The following RPGR variants were observed in gnomAD, a reference collection of about 807,000 sequenced individuals.
RPGR encodes the protein retinitis pigmentosa GTPase regulator.
In RPGR, 10 loss-of-function variants were observed where a neutral mutation model predicts 56.3. The observed-to-expected ratio is 0.18, with a 90% CI of 0.11 to 0.30. The LOEUF is 0.30. RPGR is among the 10% of genes least tolerant of loss of function. The pLI, the probability that RPGR is intolerant of heterozygous loss-of-function variation, is 1.00. For missense variants in RPGR, 538 were observed against 590.9 expected (o/e 0.91, Z 0.93); for synonymous variants, 197 against 212.9 (o/e 0.93, Z 0.65).
At chrX:38,291,947 C>T (rs60410666) in intron 11 of RPGR, among the ~76,000 whole-genome samples, 13,431 of 111,307 alleles carry the variant, frequency 0.12, 926 homozygotes, top group East Asian at 0.58. Context: ...TACACGTATG[C>T]GCACTTGTGC....
intron 17 of RPGR, chrX:38,274,978 A>G (rs2066907395): frequency 1.7e-6 from 1 of 596,069 alleles, no homozygotes; most frequent in Non-Finnish European, 2.7e-6. Flanking sequence ...AAATTATAGC[A>G]TATATGTAAA....
chrX:38,273,525 G>T, intron 17 of RPGR: 1 of 957,183 alleles, frequency 1.0e-6, no homozygotes. Context: ...ATAGGAAAAA[G>T]ACAAGACCTG....
intron 13 of RPGR, among the ~76,000 whole-genome samples, chrX:38,290,365 C>T (rs2067258779): frequency 9.0e-6 from 1 of 111,513 alleles, no homozygotes; most frequent in African/African-American, 3.3e-5. Flanking sequence ...AAACCACAGC[C>T]TATTCCCTTC....
chrX:38,287,344 T>C (rs1217801591), intron 14 of RPGR, 99 bp from the exon 15 acceptor site: 17 of 1,156,465 alleles, frequency 1.5e-5, no homozygotes, highest in East Asian at 3.0e-5. Context: ...TTTCCTGCCA[T>C]ACCGTATGTT....
At chrX:38,298,339 C>G in intron 10 of RPGR, 1 of 316,114 alleles carries the variant, frequency 3.2e-6, no homozygotes, top group Admixed American at 3.5e-5. Context: ...AGGAAAATCT[C>G]TAAATTTAAT....
intron 10 of RPGR, chrX:38,298,432 T>A (rs760500345): frequency 4.1e-5 from 13 of 317,010 alleles, no homozygotes; most frequent in Non-Finnish European, 6.0e-5. Context: ...AAGCTCCCAC[T>A]GCTCATGAGG....
At chrX:38,310,132 A>G (rs2067684481) in intron 7 of RPGR, among the ~76,000 whole-genome samples, 1 of 110,356 alleles carries the variant, frequency 9.1e-6, no homozygotes, top group Non-Finnish European at 1.9e-5. Context: ...CCTGGCTAAT[A>G]TTAGTAAAGA....
At chrX:38,289,401 T>C (rs1174318081) in intron 13 of RPGR, among the ~76,000 whole-genome samples, 1 of 112,062 alleles carries the variant, frequency 8.9e-6, no homozygotes, top group African/African-American at 3.2e-5. Context: ...AATCAAACAC[T>C]GACATTTGAA....
In RPGR at chrX:38,323,518, C is replaced by T. The variant is rs2067987539; in HGVS notation, c.35G>A (p.Gly12Asp). 1 of 1,206,717 alleles carries T rather than the reference C, an allele frequency of 8.3e-7. No individual in the cohort carries two copies. Among genetic ancestry groups the T allele is most frequent in the African/African-American group, 1.8e-5 (1 of 57,055 alleles). Residue 12 changes from glycine to aspartate, a missense_variant, in exon 2 of 19, where the codon GGT (glycine) becomes GAT (aspartate). Physicochemically the swap from Gly to Asp is moderately conservative, Grantham distance 94 (BLOSUM62 -1). Around this residue, in one of 2 missense-constraint regions of RPGR, gnomAD observed 181 missense variants for 265.1 expected, o/e 0.68. Coordinates refer to ENST00000642395, the MANE Select transcript of RPGR (RefSeq NM_000328.3). ...ACTTTTCCCAAATGTAAACACAGCA[C>T]CCGAATCTGCAAATATAAGACGGTC...
Position 38,286,383 on chromosome X carries a change from C to T in RPGR, c.1905+711G>A. On this transcript the variant is annotated intron_variant, in intron 15 of 18. Transcript: ENST00000642395. ...CCTCTTCCCCCTCCCCTTCTCCTTCCTCCCCTTCTTCCTCCCCTTCTCCTT... is the reference window on the plus strand; with the variant it reads ...CCTCTTCCCCCTCCCCTTCTCCTTCTTCCCCTTCTTCCTCCCCTTCTCCTT... 3 of 889,796 alleles carry T rather than the reference C, an allele frequency of 3.4e-6. No individual in the cohort carries two copies. The highest frequency in any genetic ancestry group is 4.3e-6 in the Non-Finnish European group (3 of 703,629). 73.3% of individuals were successfully genotyped at this position (889,796 alleles called of 1,213,427 possible).
chrX:38,312,337 T>C (rs1315462165), intron 6 of RPGR, among the ~76,000 whole-genome samples: 1 of 111,509 alleles, frequency 9.0e-6, no homozygotes, highest in Non-Finnish European at 1.9e-5. Context: ...TTTCTGTCTA[T>C]AGATTCCTGA....
chrX:38,286,823 C>T (rs1405444251), intron 15 of RPGR: 1 of 1,173,540 alleles, frequency 8.5e-7, no homozygotes, highest in East Asian at 3.2e-5. Context: ...TCCTCCATCT[C>T]TTGGTTTCTT....
rs140561754 is a variant in RPGR at position 38,319,704 on chromosome X, G to A, written c.311-717C>T. On this transcript the variant is annotated intron_variant, in intron 4 of 18. Coordinates refer to ENST00000642395, the MANE Select transcript of RPGR (RefSeq NM_000328.3). ...TTGTAAAATTCTTAGAACAGCATTT[G>A]GCTCATTTAAAGTATGTAAAAATGT... 8.7e-3 allele frequency among the ~76,000 whole-genome samples: 980 copies of A among 112,007 alleles called. 9 individuals are homozygous for A. The highest frequency in any genetic ancestry group is 0.03 in the African/African-American group (921 of 30,889).
chrX:38,316,490 T>C (rs2067831024), intron 6 of RPGR, among the ~76,000 whole-genome samples: 1 of 112,147 alleles, frequency 8.9e-6, no homozygotes, highest in African/African-American at 3.2e-5. Context: ...TTTTCCCATT[T>C]GTGTTTTTGT....
At chrX:38,270,675 T>C (rs1426141720) in intron 18 of RPGR, among the ~76,000 whole-genome samples, 1 of 106,064 alleles carries the variant, frequency 9.4e-6, no homozygotes, top group African/African-American at 3.4e-5. Flanking sequence ...GTGTGAGCCC[T>C]GTGTGTGGGT....
At chrX:38,272,926 A>C (rs1355645161) in intron 18 of RPGR, among the ~76,000 whole-genome samples, 1 of 111,909 alleles carries the variant, frequency 8.9e-6, no homozygotes, top group Non-Finnish European at 1.9e-5. Flanking sequence ...TCTGAGTAAA[A>C]AAGTAGTATA....
At chrX:38,297,216 A>T in intron 11 of RPGR, 68 bp downstream of exon 11, 11 of 1,066,923 alleles carry the variant, frequency 1.0e-5, no homozygotes, top group Non-Finnish European at 1.0e-5. Flanking sequence ...ACATCTTAAG[A>T]TAAACATAAA....
chrX:38,286,529 C>T, intron 15 of RPGR: 1 of 1,076,791 alleles, frequency 9.3e-7, no homozygotes, highest in Non-Finnish European at 1.2e-6. Context: ...TCCCTCTCTC[C>T]TTTCCCCTCC....
At position 38,299,081 on chromosome X, in the gene RPGR, C is replaced by CTTT. The variant is rs750534667; in HGVS notation, c.1117_1119dup (p.Lys373dup). ...TCATTTATTTCATCGAATTCAATTT[C>CTTT]TTTTGCCACACCACGATGAGGAGCA... is the stretch of plus-strand genomic sequence containing the variant. On this transcript the variant is annotated inframe_insertion, in exon 10 of 19. Transcript: ENST00000642395. 8 of 1,211,722 alleles carry CTTT rather than the reference C, an allele frequency of 6.6e-6. No individual in the cohort carries two copies. In the East Asian group the frequency reaches 2.4e-4, roughly 36 times the overall value.
Sources: gnomAD v4.1 joint callset for allele counts (sites outside exome capture counted in the v4.1 genomes callset) on GRCh38, gnomAD v4.1.1 for gene constraint, gnomAD v4.1.1 regional missense constraint, MANE v1.5 for transcripts, NCBI Gene and HGNC (gene_info 2026-07-23, HGNC 2026-07-21) for gene names.